VWC2L: variants seen among roughly 807,000 people sequenced by gnomAD.
VWC2L encodes von Willebrand factor C domain containing 2 like, also known as von Willebrand factor C domain-containing protein 2-like.
In VWC2L, 10 loss-of-function variants were observed where a neutral mutation model predicts 21.6. That is an observed-to-expected ratio of 0.46 (90% CI 0.29 to 0.78). The LOEUF is 0.78. Ranked by LOEUF, VWC2L falls within the 30% of genes least tolerant of loss-of-function variation. VWC2L has a pLI of 0.10. For missense variants in VWC2L, 209 were observed against 277.1 expected (o/e 0.75, Z 1.74); for synonymous variants, 96 against 94.3 (o/e 1.02, Z -0.10).
rs77100135 is a variant in VWC2L at position 214,488,294 on chromosome 2, C to T, written c.520+51536C>T. 8.9e-3 allele frequency among the ~76,000 whole-genome samples: 1,362 copies of T among 152,226 alleles called. 22 individuals carry two copies. Among genetic ancestry groups the T allele is most frequent in the African/African-American group, 0.031 (1,284 of 41,542 alleles). ...TCCAAACTTCCTATGATAGAGAATT[C>T]AACCTGGTCAAGAAGTCACAAGGCT... On this transcript the variant is annotated intron_variant, in intron 3 of 3. Transcript: ENST00000312504.
intron 3 of VWC2L, among the ~76,000 whole-genome samples, chr2:214,499,607 C>G (rs139872879): frequency 6.6e-6 from 1 of 151,884 alleles, no homozygotes; most frequent in Admixed American, 6.6e-5. Flanking sequence ...ACATATGTAC[C>G]AAACCTGCAC....
intron 3 of VWC2L, among the ~76,000 whole-genome samples, chr2:214,527,897 G>A (rs1258071673): frequency 1.3e-5 from 2 of 152,088 alleles, no homozygotes; most frequent in African/African-American, 4.8e-5. Flanking sequence ...CTTACTTATT[G>A]TTACTGCCCT....
At chr2:214,506,839 T>G (rs1371268253) in intron 3 of VWC2L, among the ~76,000 whole-genome samples, 1 of 152,138 alleles carries the variant, frequency 6.6e-6, no homozygotes, top group Non-Finnish European at 1.5e-5. Flanking sequence ...CAATGTTTTG[T>G]GAACAATGGA....
At chr2:214,423,572 T>C (rs140490647) in intron 2 of VWC2L, among the ~76,000 whole-genome samples, 65 of 152,264 alleles carry the variant, frequency 4.3e-4, no homozygotes, top group African/African-American at 1.5e-3. Flanking sequence ...AGAAATGTGA[T>C]ATCAGGACCT....
intron 3 of VWC2L, among the ~76,000 whole-genome samples, chr2:214,501,639 T>G (rs1688891943): frequency 6.6e-6 from 1 of 150,854 alleles, no homozygotes; most frequent in Admixed American, 6.6e-5. Flanking sequence ...GGAGAATCAC[T>G]TGAACCTGGA....
chr2:214,436,117 G>GA (rs372014632), intron 2 of VWC2L: 251 of 148,178 alleles, frequency 1.7e-3, no homozygotes, highest in African/African-American at 5.4e-3. Flanking sequence ...TATTCACATT[G>GA]AAAAAAAAAA....
intron 2 of VWC2L, among the ~76,000 whole-genome samples, chr2:214,415,982 T>C (rs1702348611): frequency 6.6e-6 from 1 of 152,118 alleles, no homozygotes. Context: ...ATTGTATATA[T>C]TTTGACATTA....
chr2:214,571,882 G>A (rs1273328989), intron 3 of VWC2L, among the ~76,000 whole-genome samples: 3 of 152,016 alleles, frequency 2.0e-5, no homozygotes, highest in Admixed American at 1.3e-4. Flanking sequence ...GACCTCCTGG[G>A]CTCAAGCAAT....
chr2:214,552,425 A>G (rs1689808173), intron 3 of VWC2L, among the ~76,000 whole-genome samples: 1 of 152,172 alleles, frequency 6.6e-6, no homozygotes, highest in Non-Finnish European at 1.5e-5. Flanking sequence ...TAGAGGTCCA[A>G]TTTTATCCCC....
At chr2:214,487,424 G>GT (rs1240344473) in intron 3 of VWC2L, among the ~76,000 whole-genome samples, 1 of 152,092 alleles carries the variant, frequency 6.6e-6, no homozygotes, top group African/African-American at 2.4e-5. Flanking sequence ...CTTTTAAGAG[G>GT]TTTTCAAGCC....
At chr2:214,505,230 G>A (rs550644907) in intron 3 of VWC2L, among the ~76,000 whole-genome samples, 1 of 152,262 alleles carries the variant, frequency 6.6e-6, no homozygotes, top group Admixed American at 6.5e-5. Context: ...CCCTGAAACT[G>A]TTTACCCACT....
intron 3 of VWC2L, among the ~76,000 whole-genome samples, chr2:214,549,131 C>T (rs1006739846): frequency 1.3e-5 from 2 of 152,216 alleles, no homozygotes; most frequent in African/African-American, 4.8e-5. Flanking sequence ...CTTCCCCACA[C>T]TTCCTCTGAT....
At chr2:214,572,693 A>G (rs1690170308) in intron 3 of VWC2L, among the ~76,000 whole-genome samples, 1 of 152,176 alleles carries the variant, frequency 6.6e-6, no homozygotes, top group South Asian at 2.1e-4. Flanking sequence ...CTGCCTGACA[A>G]TTATCTAAAT....
chr2:214,528,251 A>G (rs1462354612), intron 3 of VWC2L, among the ~76,000 whole-genome samples: 2 of 152,198 alleles, frequency 1.3e-5, no homozygotes, highest in Non-Finnish European at 2.9e-5. Flanking sequence ...CTGGTTCTCC[A>G]GCATTTGAAT....
chr2:214,517,582 A>G (rs1689165253), intron 3 of VWC2L, among the ~76,000 whole-genome samples: 1 of 152,224 alleles, frequency 6.6e-6, no homozygotes, highest in African/African-American at 2.4e-5. Context: ...CCTAGATGCA[A>G]TAAGAGAAGT....
chr2:214,420,148 T>A (rs1323504794), intron 2 of VWC2L, among the ~76,000 whole-genome samples: 2 of 152,324 alleles, frequency 1.3e-5, no homozygotes, highest in Admixed American at 6.5e-5. Flanking sequence ...GGATTTAGAA[T>A]TGATTTGCCC....
chr2:214,545,254 AC>A (rs1689687399), intron 3 of VWC2L, among the ~76,000 whole-genome samples: 1 of 152,224 alleles, frequency 6.6e-6, no homozygotes, highest in South Asian at 2.1e-4. Flanking sequence ...CTTTAGGAGC[AC>A]TGACATGTGT....
intron 3 of VWC2L, among the ~76,000 whole-genome samples, chr2:214,475,389 TA>T (rs145282542): frequency 0.013 from 1,879 of 148,876 alleles, 42 homozygotes; most frequent in African/African-American, 0.043. Flanking sequence ...AAGGGATATG[TA>T]AAAAAAAAAG....
At chr2:214,511,519 A>G (rs1213309761) in intron 3 of VWC2L, among the ~76,000 whole-genome samples, 1 of 152,050 alleles carries the variant, frequency 6.6e-6, no homozygotes, top group Non-Finnish European at 1.5e-5. Context: ...CTTCTTATTT[A>G]CTCTCTGCCG....
Sources: gnomAD v4.1 joint callset for allele counts (sites outside exome capture counted in the v4.1 genomes callset) on GRCh38, gnomAD v4.1.1 for gene constraint, MANE v1.5 for transcripts, NCBI Gene and HGNC (gene_info 2026-07-23, HGNC 2026-07-21) for gene names.